HUS1: variants seen among roughly 807,000 people sequenced by gnomAD.
The protein encoded by HUS1 is HUS1 checkpoint clamp component.
A neutral mutation model predicts 32.6 loss-of-function variants in HUS1; 31 were observed. That is an observed-to-expected ratio of 0.95 (90% CI 0.72 to 1.28). The LOEUF (loss-of-function observed/expected upper bound fraction) is 1.28. Ranked by LOEUF, HUS1 falls within the 50% of genes most tolerant of loss-of-function variation. The pLI is 0.00. For missense variants in HUS1, 340 were observed against 337.7 expected, an observed-to-expected ratio of 1.01 and a Z score of -0.05; for synonymous variants, 123 against 116.6, an observed-to-expected ratio of 1.06 and a Z score of -0.36.
intron 7 of HUS1, among the ~76,000 whole-genome samples, chr7:47,966,532 C>A (rs1475116067): frequency 2.0e-5 from 3 of 152,172 alleles, no homozygotes; most frequent in Non-Finnish European, 4.4e-5. Context: ...TGTGTTTCCA[C>A]ACTCTGCAGA....
intron 3 of HUS1, among the ~76,000 whole-genome samples, chr7:47,977,736 A>G (rs908534471): frequency 6.6e-6 from 1 of 152,190 alleles, no homozygotes; most frequent in African/African-American, 2.4e-5. Flanking sequence ...TACTAAAAAA[A>G]TACAAAAATT....
At position 47,979,460 on chromosome 7, in the gene HUS1, C is replaced by T. The variant is rs749755832; in HGVS notation, c.52+8G>A. 1.2e-6 allele frequency: 2 copies of T among 1,613,550 alleles called. No individual in the cohort carries two copies. The highest frequency in any genetic ancestry group is 4.5e-5 in the East Asian group (2 of 44,850). On this transcript the variant is annotated splice_region_variant and intron_variant, in intron 1 of 7. Coordinates refer to ENST00000258774, the MANE Select transcript of HUS1 (RefSeq NM_004507.4). Reference sequence around the variant, plus strand: ...CCTCCCTCGCTCCTCTCCGGCCTCCCTGCTCACGTGTGAAGTGGTTCAGAC... The same window carrying T: ...CCTCCCTCGCTCCTCTCCGGCCTCCTTGCTCACGTGTGAAGTGGTTCAGAC...
chr7:47,967,749 A>C, intron 7 of HUS1, 57 bp downstream of exon 7: 1 of 1,437,416 alleles, frequency 7.0e-7, no homozygotes, highest in Non-Finnish European at 9.5e-7. Flanking sequence ...ACTAGAGTTG[A>C]CTGCAGTATT....
Position 47,965,178 on chromosome 7 carries a change from T to C in HUS1, c.*178A>G, listed in dbSNP as rs1032397923. 2 of 509,592 alleles carry C rather than the reference T, an allele frequency of 3.9e-6. No individual in the cohort carries two copies. The highest frequency in any genetic ancestry group is 6.0e-5 in the East Asian group (2 of 33,596). The allele number at this position is 509,592 out of a possible 1,614,324, so 31.6% of individuals were successfully genotyped here. A position where few individuals can be genotyped will look rare whatever the true frequency, so the allele number is the denominator to read the frequency against. ...CAGACATGAGCAACATGAAGTGATA[T>C]GTTTATCCAACTGTGTGTTGTTGAA... On this transcript the variant is annotated 3_prime_UTR_variant, in exon 8 of 8. Transcript: ENST00000258774.
At position 47,978,689 on chromosome 7, in the gene HUS1, C is replaced by CCACA; in HGVS notation, c.179_180insTGTG (p.Gln60HisfsTer20). The CCACA allele has an allele frequency of 6.2e-7, 1 of 1,614,102 alleles. No individual in the cohort carries two copies. The highest frequency in any genetic ancestry group is 1.1e-5 in the South Asian group (1 of 91,074). ...AGGCCTCTCAGAAGCTTTTGCTCACCTGTTCCAGCTCACACCACATGCTCA... is the reference window on the plus strand; with the variant it reads ...AGGCCTCTCAGAAGCTTTTGCTCACCCACATGTTCCAGCTCACACCACATGCTCA... On this transcript the variant is annotated frameshift_variant and splice_region_variant, in exon 2 of 8. Transcript: ENST00000258774. LOFTEE classifies it high-confidence loss of function.
chr7:47,977,291 A>G (rs1332430855), intron 3 of HUS1, among the ~76,000 whole-genome samples: 2 of 152,204 alleles, frequency 1.3e-5, no homozygotes, highest in African/African-American at 4.8e-5. Flanking sequence ...GAAACAGCAC[A>G]TGTAAAGCCG....
At position 47,965,243 on chromosome 7, in the gene HUS1, A is replaced by G. The variant is rs1788453033; in HGVS notation, c.*113T>C. 2.9e-6 allele frequency: 2 copies of G among 700,670 alleles called. No individual in the cohort carries two copies. The highest frequency in any genetic ancestry group is 5.2e-6 in the Non-Finnish European group (2 of 385,252). The allele number at this position is 700,670 out of a possible 1,614,324, so 43.4% of individuals were successfully genotyped here. On this transcript the variant is annotated 3_prime_UTR_variant, in exon 8 of 8. Coordinates refer to ENST00000258774, the MANE Select transcript of HUS1 (RefSeq NM_004507.4). ...AAATGTTAGAGAGGGACAAATAAGTACAGTGTGTCGATGTGCGGTGCTGTG... is the reference window on the plus strand; with the variant it reads ...AAATGTTAGAGAGGGACAAATAAGTGCAGTGTGTCGATGTGCGGTGCTGTG...
rs1788515071 is a variant in HUS1 at position 47,967,929 on chromosome 7, A to C, written c.641-4T>G. 1 of 1,609,952 alleles carries C rather than the reference A, an allele frequency of 6.2e-7. No individual in the cohort carries two copies. The highest frequency in any genetic ancestry group is 1.7e-4 in the Middle Eastern group (1 of 6,044). ...TCCTCATGGGTGCTTTCAGAGGCTA[A>C]AATGATAGGAATGCATTTAAATACA... is the stretch of plus-strand genomic sequence containing the variant. On this transcript the variant is annotated splice_polypyrimidine_tract_variant and splice_region_variant and intron_variant, in intron 6 of 7. Transcript: ENST00000258774.
intron 4 of HUS1, chr7:47,976,384 A>G (rs1788704469): frequency 2.2e-6 from 1 of 463,446 alleles, no homozygotes; most frequent in Non-Finnish European, 4.3e-6. Flanking sequence ...GTGCACATCC[A>G]GATATCGCTC....
intron 5 of HUS1, among the ~76,000 whole-genome samples, chr7:47,972,168 T>G (rs1788612904): frequency 6.6e-6 from 1 of 152,202 alleles, no homozygotes; most frequent in South Asian, 2.1e-4. Context: ...TTAGTGGGGC[T>G]AAGGCTAACA....
chr7:47,972,254 G>T (rs1226868873), intron 5 of HUS1, among the ~76,000 whole-genome samples: 1 of 152,064 alleles, frequency 6.6e-6, no homozygotes, highest in African/African-American at 2.4e-5. Context: ...AAAAGCAATG[G>T]TTTTAGATAT....
Position 47,979,589 on chromosome 7 carries a change from G to T in HUS1, c.-70C>A. 1.6e-6 allele frequency: 2 copies of T among 1,233,168 alleles called. No homozygotes were observed. The highest frequency in any genetic ancestry group is 1.2e-6 in the Non-Finnish European group (1 of 842,782). 76.4% of individuals were successfully genotyped at this position (1,233,168 alleles called of 1,614,324 possible). A position where few individuals can be genotyped will look rare whatever the true frequency, so the allele number is the denominator to read the frequency against. ...AAAGCGTCGCGCCCTGAGTGTCCCC[G>T]CCCGGAAACACGGCAGCGCGAACAG... On this transcript the variant is annotated 5_prime_UTR_variant, in exon 1 of 8. Coordinates refer to ENST00000258774, the MANE Select transcript of HUS1 (RefSeq NM_004507.4).
chr7:47,976,509 T>A, intron 4 of HUS1: 4 of 602,968 alleles, frequency 6.6e-6, no homozygotes, highest in Non-Finnish European at 1.2e-5. Flanking sequence ...TTAAGTGATG[T>A]TACTGAGCGA....
At chr7:47,970,511 G>A (rs1490278137) in intron 5 of HUS1, among the ~76,000 whole-genome samples, 1 of 152,014 alleles carries the variant, frequency 6.6e-6, no homozygotes, top group Non-Finnish European at 1.5e-5. Flanking sequence ...GAAACAAAGA[G>A]TTAAAAGGAT....
chr7:47,975,844 AAAG>A (rs1383844629), intron 4 of HUS1, among the ~76,000 whole-genome samples, 157 bp from the exon 5 acceptor site: 35 of 152,362 alleles, frequency 2.3e-4, no homozygotes, highest in African/African-American at 7.0e-4. Context: ...AAAAATATAA[AAAG>A]AAAACCAATT....
At chr7:47,973,700 T>C (rs930987971) in intron 5 of HUS1, among the ~76,000 whole-genome samples, 2 of 152,226 alleles carry the variant, frequency 1.3e-5, no homozygotes, top group Non-Finnish European at 2.9e-5. Context: ...AACTTTCCAT[T>C]TAGTAATTCC....
At chr7:47,971,476 C>T (rs1321424223) in intron 5 of HUS1, 3 of 456,644 alleles carry the variant, frequency 6.6e-6, no homozygotes, top group Admixed American at 4.7e-5. Context: ...AGCTCCTCTA[C>T]CCACCCCAAC....
At chr7:47,978,877 C>T (rs1392141131) in intron 1 of HUS1, 61 bp from the exon 2 acceptor site, 3 of 1,518,940 alleles carry the variant, frequency 2.0e-6, no homozygotes, top group African/African-American at 1.4e-5. Context: ...TAGAGACCAA[C>T]TTATTTTGCA....
chr7:47,971,586 T>A (rs1788601983), intron 5 of HUS1: 3 of 455,776 alleles, frequency 6.6e-6, no homozygotes, highest in East Asian at 1.4e-4. Flanking sequence ...CTCCCGCACC[T>A]ACAATGAAAT....
Sources: gnomAD v4.1 joint callset for allele counts (sites outside exome capture counted in the v4.1 genomes callset) on GRCh38, gnomAD v4.1.1 for gene constraint, MANE v1.5 for transcripts, NCBI Gene and HGNC (gene_info 2026-07-23, HGNC 2026-07-21) for gene names.